CCNI: variants seen among roughly 807,000 people sequenced by gnomAD.
CCNI encodes cyclin I.
A neutral mutation model predicts 34.1 loss-of-function variants in CCNI; 14 were observed. The ratio of observed to expected loss-of-function variants is 0.41; its 90% CI spans 0.27 to 0.64. The LOEUF is 0.64. Ranked by LOEUF, CCNI falls within the 30% of genes least tolerant of loss-of-function variation. The pLI, the probability that CCNI is intolerant of heterozygous loss-of-function variation, is 0.31. For synonymous variants in CCNI, 154 were observed against 158.4 expected (o/e 0.97, Z 0.21); for missense variants, 385 against 440.5 (o/e 0.87, Z 1.13).
chr4:77,074,159 C>A (rs1200207171), intron 1 of CCNI, among the ~76,000 whole-genome samples: 1 of 152,174 alleles, frequency 6.6e-6, no homozygotes, highest in Non-Finnish European at 1.5e-5. Flanking sequence ...GACCAACACA[C>A]ATGCTAAGCT....
intron 1 of CCNI, among the ~76,000 whole-genome samples, chr4:77,069,948 C>G (rs931108699): frequency 6.6e-6 from 1 of 151,888 alleles, no homozygotes; most frequent in East Asian, 1.9e-4. Context: ...ACTTCGATAG[C>G]TCCTCACGAT....
chr4:77,073,083 G>A (rs900688445), intron 1 of CCNI, among the ~76,000 whole-genome samples: 24 of 152,150 alleles, frequency 1.6e-4, no homozygotes, highest in Admixed American at 9.2e-4. Context: ...GAACTATATA[G>A]TTATGTTTTG....
intron 6 of CCNI, among the ~76,000 whole-genome samples, chr4:77,050,565 C>T (rs1376012784): frequency 4.6e-5 from 7 of 152,060 alleles, no homozygotes; most frequent in African/African-American, 2.4e-5. Context: ...TTAGCATCTA[C>T]CATAATGTTC....
chr4:77,075,433 G>T (rs1362797046), intron 1 of CCNI, 39 bp downstream of exon 1: 6 of 864,286 alleles, frequency 6.9e-6, no homozygotes, highest in Non-Finnish European at 6.9e-6. Context: ...GCCGGCCGCG[G>T]AGACGCGTCG....
At chr4:77,065,974 G>A (rs1324748613) in intron 2 of CCNI, among the ~76,000 whole-genome samples, 7 of 152,260 alleles carry the variant, frequency 4.6e-5, no homozygotes, top group African/African-American at 1.2e-4. Context: ...GGTAGCATGC[G>A]CCTGTAGTCC....
At chr4:77,064,585 GCACACACACACACACACA>G (rs71214329) in intron 2 of CCNI, 14 of 143,034 alleles carry the variant, frequency 9.8e-5, no homozygotes, top group African/African-American at 3.4e-4. Context: ...GCGCGCGCGC[GCACACACACACACACACA>G]CACACACACA....
At position 77,048,962 on chromosome 4, in the gene CCNI, G is replaced by GTTTTTTTTTTTT. The variant is rs538284505; in HGVS notation, c.691-312_691-301dup. On this transcript the variant is annotated intron_variant, in intron 6 of 6. Coordinates refer to ENST00000237654, the MANE Select transcript of CCNI (RefSeq NM_006835.3). ...AACTACTTTTTTGTATCCAACGTCT[G>GTTTTTTTTTTTT]TTTTTTTTTTTTTTTTTTTTTTTTT... 5.9e-4 allele frequency among the ~76,000 whole-genome samples: 28 copies of GTTTTTTTTTTTT among 47,654 alleles called. 5 individuals are homozygous for GTTTTTTTTTTTT. Among genetic ancestry groups the GTTTTTTTTTTTT allele is most frequent in the Non-Finnish European group, 1.1e-3 (23 of 21,432 alleles). The allele number at this position is 47,654 out of a possible 152,430, so 31.3% of individuals were successfully genotyped here. A position where few individuals can be genotyped will look rare whatever the true frequency, so the allele number is the denominator to read the frequency against.
In CCNI at chr4:77,055,295, G is replaced by T; in HGVS notation, c.545C>A (p.Thr182Asn). 1.2e-6 allele frequency: 2 copies of T among 1,614,204 alleles called. No individual in the cohort carries two copies. The highest frequency in any genetic ancestry group is 1.7e-6 in the Non-Finnish European group (2 of 1,180,028). ...LSPSQHLAVL[T>N]KQLLHCMACN... ...GGCCATACAGTGAAGTAGTTGCTTGGTAAGGACTGCCAAATGTTGAGATGG... is the reference window on the plus strand; with the variant it reads ...GGCCATACAGTGAAGTAGTTGCTTGTTAAGGACTGCCAAATGTTGAGATGG... The change falls in exon 6 of 7, where the codon ACC (threonine) becomes AAC (asparagine). Residue 182 changes from threonine (T) to asparagine (N), a missense_variant. Thr to Asn is a moderately conservative substitution (Grantham distance 65). Around this residue, in one of 2 missense-constraint regions of CCNI, gnomAD observed 250 missense variants for 248.7 expected, o/e 1.01. Transcript: ENST00000237654.
At chr4:77,053,440 TAAG>T (rs1220997562) in intron 6 of CCNI, among the ~76,000 whole-genome samples, 2 of 149,904 alleles carry the variant, frequency 1.3e-5, no homozygotes, top group African/African-American at 5.1e-5. Context: ...CTCCTTCAGC[TAAG>T]AAGAAAAAAA....
chr4:77,069,253 T>C (rs1327359957), intron 1 of CCNI, among the ~76,000 whole-genome samples: 2 of 151,988 alleles, frequency 1.3e-5, no homozygotes, highest in Non-Finnish European at 2.9e-5. Context: ...TCCATCTCTA[T>C]AAAACATACA....
chr4:77,064,175 C>T (rs1273991230), intron 2 of CCNI, among the ~76,000 whole-genome samples: 2 of 149,628 alleles, frequency 1.3e-5, no homozygotes, highest in Non-Finnish European at 3.0e-5. Flanking sequence ...CCCGGGAGGC[C>T]GAGGTTACAG....
chr4:77,075,379 ACGGGGGCGGCGCGGGGGGAGCAG>A (rs1729835575), intron 1 of CCNI, 70 bp downstream of exon 1: 2 of 394,602 alleles, frequency 5.1e-6, no homozygotes, highest in African/African-American at 4.4e-5. Flanking sequence ...GGGCGCTGCC[ACGGGGGCGGCGCGGGGGGAGCAG>A]CGGGGCCCCA....
At chr4:77,055,100 A>T in intron 6 of CCNI, 50 bp downstream of exon 6, 1 of 1,246,614 alleles carries the variant, frequency 8.0e-7, no homozygotes, top group Non-Finnish European at 1.2e-6. Flanking sequence ...TATGTATTCC[A>T]ATAATAGAAA....
At chr4:77,072,614 G>A (rs1029159823) in intron 1 of CCNI, among the ~76,000 whole-genome samples, 3 of 141,506 alleles carry the variant, frequency 2.1e-5, no homozygotes, top group Non-Finnish European at 3.0e-5. Context: ...TCCAGCCTGG[G>A]TAACAAAGTG....
chr4:77,057,362 A>G (rs974577214), intron 3 of CCNI, among the ~76,000 whole-genome samples: 1 of 152,206 alleles, frequency 6.6e-6, no homozygotes, highest in African/African-American at 2.4e-5. Flanking sequence ...GAACAATTAG[A>G]GAATTTTGCC....
At chr4:77,052,276 G>A (rs1328075269) in intron 6 of CCNI, among the ~76,000 whole-genome samples, 4 of 151,986 alleles carry the variant, frequency 2.6e-5, no homozygotes, top group Non-Finnish European at 4.4e-5. Flanking sequence ...CATCCATGTT[G>A]CTGCAAAGGA....
At chr4:77,068,428 T>A (rs1560783668) in intron 1 of CCNI, among the ~76,000 whole-genome samples, 1 of 152,156 alleles carries the variant, frequency 6.6e-6, no homozygotes, top group South Asian at 2.1e-4. Flanking sequence ...TCTTTACATT[T>A]CATAGTAGGA....
intron 6 of CCNI, among the ~76,000 whole-genome samples, chr4:77,050,799 C>T (rs1727771102): frequency 6.8e-6 from 1 of 146,616 alleles, no homozygotes; most frequent in Non-Finnish European, 1.5e-5. Context: ...GAACAAAGCA[C>T]AGAGAAAGGA....
chr4:77,055,127 T>A, intron 6 of CCNI, 23 bp downstream of exon 6: 7 of 1,484,222 alleles, frequency 4.7e-6, no homozygotes, highest in Non-Finnish European at 6.6e-6. Flanking sequence ...AAAAGAACAC[T>A]ATTTAATTAG....
Sources: gnomAD v4.1 joint callset for allele counts (sites outside exome capture counted in the v4.1 genomes callset) on GRCh38, gnomAD v4.1.1 for gene constraint, gnomAD v4.1.1 regional missense constraint, MANE v1.5 for transcripts, NCBI Gene and HGNC (gene_info 2026-07-23, HGNC 2026-07-21) for gene names.